Variants in RBPJ observed in about 807,000 individuals in gnomAD.
The protein encoded by RBPJ is recombining binding protein suppressor of hairless.
RBPJ carries 9 observed loss-of-function variants against 67.8 expected under a neutral mutation model. The ratio of observed to expected loss-of-function variants is 0.13; its 90% CI spans 0.08 to 0.23. The LOEUF (loss-of-function observed/expected upper bound fraction) is 0.23. Among genes scored for constraint, RBPJ ranks in the 10% least tolerant of loss-of-function variants. The pLI is 1.00. For missense variants in RBPJ, 305 were observed against 595.6 expected (o/e 0.51, Z 5.08); for synonymous variants, 198 against 203.3 (o/e 0.97, Z 0.22).
rs112081726 is a variant in RBPJ at position 26,213,804 on chromosome 4, A to G, written c.-167+50190A>G. Among the ~76,000 whole-genome samples the G allele has an allele frequency of 2.4e-3, 364 of 152,176 alleles. 2 individuals carry two copies. Among genetic ancestry groups the G allele is most frequent in the African/African-American group, 8.3e-3 (343 of 41,564 alleles). On this transcript the variant is annotated intron_variant, in intron 1 of 4. Transcript: ENST00000512351. ...ACTTTATGGGGAGAGGCCATTGTAG[A>G]AGTCCAGGAGGGAGATGATGGCAGC...
Position 26,207,226 on chromosome 4 carries a change from A to G in RBPJ, c.-167+43612A>G, listed in dbSNP as rs116695215. Among the ~76,000 whole-genome samples, 567 of 152,170 alleles carry G rather than the reference A, an allele frequency of 3.7e-3. 3 individuals carry two copies. The highest frequency in any genetic ancestry group is 0.013 in the African/African-American group (541 of 41,520). ...AGTTCCTCATGGTTTTTCTATATCC[A>G]CTTCTGGGAGCTGTTGTCAGCAATG... On this transcript the variant is annotated intron_variant, in intron 1 of 4. Transcript: ENST00000512351.
intron 1 of RBPJ, among the ~76,000 whole-genome samples, chr4:26,166,897 G>A (rs1474247550): frequency 6.6e-6 from 1 of 152,178 alleles, no homozygotes; most frequent in African/African-American, 2.4e-5. Context: ...GTTTGTATAA[G>A]GTGTAAGGAA....
intron 1 of RBPJ, among the ~76,000 whole-genome samples, chr4:26,249,590 G>A (rs1157427509): frequency 6.6e-6 from 1 of 151,822 alleles, no homozygotes; most frequent in East Asian, 1.9e-4. Flanking sequence ...GAACCTGGGA[G>A]GCAGAGATTG....
At chr4:26,321,367 G>C (rs1723037719) in intron 1 of RBPJ, 1 of 151,734 alleles carries the variant, frequency 6.6e-6, no homozygotes, top group African/African-American at 2.4e-5. Flanking sequence ...CTCTGCCTGG[G>C]GGCCCCGTGC....
chr4:26,279,654 G>C (rs1051018065), intron 1 of RBPJ, among the ~76,000 whole-genome samples: 1 of 152,164 alleles, frequency 6.6e-6, no homozygotes, highest in African/African-American at 2.4e-5. Flanking sequence ...TCTAAGACCA[G>C]TCCAGACAAG....
At chr4:26,409,836 C>G (rs1307426747) in intron 3 of RBPJ, among the ~76,000 whole-genome samples, 2 of 152,110 alleles carry the variant, frequency 1.3e-5, no homozygotes, top group African/African-American at 4.8e-5. Flanking sequence ...CATGGCCTAG[C>G]TGGTCTAAAA....
the RBPJ span, among the ~76,000 whole-genome samples, chr4:26,141,991 C>T: frequency 6.6e-6 from 1 of 152,258 alleles, no homozygotes; most frequent in Admixed American, 6.5e-5. Flanking sequence ...TGACTCGCAG[C>T]TTAAACCTCT....
intron 1 of RBPJ, among the ~76,000 whole-genome samples, chr4:26,229,808 G>C (rs1484303932): frequency 6.6e-6 from 1 of 152,182 alleles, no homozygotes; most frequent in Non-Finnish European, 1.5e-5. Flanking sequence ...GGAAGGTACT[G>C]AGCCAGGTTT....
At chr4:26,363,686 G>T (rs983027349) in intron 1 of RBPJ, among the ~76,000 whole-genome samples, 15 of 152,176 alleles carry the variant, frequency 9.9e-5, no homozygotes, top group African/African-American at 3.6e-4. Flanking sequence ...TGATCTGCCT[G>T]CCTCAGCATC....
intron 1 of RBPJ, among the ~76,000 whole-genome samples, chr4:26,363,726 A>G (rs1431946569): frequency 3.3e-5 from 5 of 152,242 alleles, no homozygotes; most frequent in Admixed American, 1.3e-4. Context: ...GGCATGAGCC[A>G]CCACACCTGG....
At chr4:26,312,764 T>C (rs1722475045) in intron 1 of RBPJ, among the ~76,000 whole-genome samples, 1 of 152,226 alleles carries the variant, frequency 6.6e-6, no homozygotes, top group Non-Finnish European at 1.5e-5. Context: ...CAGGGAGTCC[T>C]TAGAGGCTGG....
chr4:26,151,792 G>T, the RBPJ span, among the ~76,000 whole-genome samples: 33 of 152,358 alleles, frequency 2.2e-4, no homozygotes, highest in African/African-American at 7.5e-4. Flanking sequence ...CTCCAAAGGA[G>T]GCCTTGGCCT....
At chr4:26,423,449 C>T (rs962202260) in intron 5 of RBPJ, among the ~76,000 whole-genome samples, 4 of 152,164 alleles carry the variant, frequency 2.6e-5, no homozygotes, top group African/African-American at 9.7e-5. Flanking sequence ...CTCAGAGCAG[C>T]CTGCTTAAAA....
intron 1 of RBPJ, among the ~76,000 whole-genome samples, chr4:26,360,674 A>G (rs1727953568): frequency 6.6e-6 from 1 of 151,014 alleles, no homozygotes; most frequent in Non-Finnish European, 1.5e-5. Flanking sequence ...GCTCACTGCA[A>G]CCTCTGCTTC....
chr4:26,170,154 C>T (rs545230527), intron 1 of RBPJ, among the ~76,000 whole-genome samples: 1 of 152,268 alleles, frequency 6.6e-6, no homozygotes, highest in Admixed American at 6.5e-5. Context: ...CAGAAATCAC[C>T]CGTCTTCTGC....
chr4:26,201,212 G>C (rs572773104), intron 1 of RBPJ, among the ~76,000 whole-genome samples: 3 of 152,246 alleles, frequency 2.0e-5, no homozygotes, highest in African/African-American at 7.2e-5. Flanking sequence ...TGTGACTCAG[G>C]CTTGTTGACT....
At chr4:26,205,201 G>A (rs1219947833) in intron 1 of RBPJ, among the ~76,000 whole-genome samples, 2 of 152,216 alleles carry the variant, frequency 1.3e-5, no homozygotes, top group Admixed American at 1.3e-4. Flanking sequence ...AGCAGTGGCA[G>A]GTGTGCACTT....
chr4:26,180,728 T>C (rs927316659), intron 1 of RBPJ, among the ~76,000 whole-genome samples: 7 of 152,184 alleles, frequency 4.6e-5, no homozygotes, highest in African/African-American at 1.7e-4. Context: ...AACTATAGCA[T>C]TGTGGTCCTA....
At chr4:26,255,625 A>C (rs1293538025) in intron 1 of RBPJ, among the ~76,000 whole-genome samples, 2 of 149,404 alleles carry the variant, frequency 1.3e-5, no homozygotes, top group African/African-American at 4.9e-5. Context: ...ACACGGTGAA[A>C]CCCCGTCTCT....
Sources: gnomAD v4.1 joint callset for allele counts (sites outside exome capture counted in the v4.1 genomes callset) on GRCh38, gnomAD v4.1.1 for gene constraint, MANE v1.5 for transcripts, NCBI Gene and HGNC (gene_info 2026-07-23, HGNC 2026-07-21) for gene names.